Variants in PRKAR2B observed in about 807,000 individuals in gnomAD.
The protein encoded by PRKAR2B is protein kinase cAMP-dependent type II regulatory subunit beta.
PRKAR2B carries 14 observed loss-of-function variants against 49.9 expected under a neutral mutation model. The observed-to-expected ratio is 0.28, with a 90% confidence interval of 0.19 to 0.44. PRKAR2B has a LOEUF of 0.44. Among genes scored for constraint, PRKAR2B ranks in the 20% least tolerant of loss-of-function variants. The pLI is 1.00. For synonymous variants in PRKAR2B, 196 were observed against 197.7 expected, an observed-to-expected ratio of 0.99 and a Z score of 0.07; for missense variants, 393 against 537.9, an observed-to-expected ratio of 0.73 and a Z score of 2.67.
intron 6 of PRKAR2B, among the ~76,000 whole-genome samples, chr7:107,150,558 A>T (rs1795964316): frequency 7.2e-6 from 1 of 139,838 alleles, no homozygotes; most frequent in Non-Finnish European, 1.5e-5. Context: ...ATGAAAAAGA[A>T]CGTAGAGTAC....
chr7:107,139,548 G>A (rs1795755713), intron 4 of PRKAR2B, among the ~76,000 whole-genome samples: 1 of 152,162 alleles, frequency 6.6e-6, no homozygotes, highest in South Asian at 2.1e-4. Flanking sequence ...TCCCATGCTG[G>A]CAGAACCAGA....
At chr7:107,079,178 A>T (rs1370368181) in intron 2 of PRKAR2B, among the ~76,000 whole-genome samples, 1 of 152,220 alleles carries the variant, frequency 6.6e-6, no homozygotes, top group Non-Finnish European at 1.5e-5. Flanking sequence ...TCACTACTTC[A>T]CCAGCTCTGT....
intron 2 of PRKAR2B, among the ~76,000 whole-genome samples, chr7:107,084,553 G>A (rs896970317): frequency 6.6e-6 from 1 of 151,516 alleles, no homozygotes; most frequent in Middle Eastern, 3.4e-3. Flanking sequence ...TTTCTCCCTG[G>A]ATCAGGGAGA....
chr7:107,089,799 C>A (rs1337259143), intron 2 of PRKAR2B, among the ~76,000 whole-genome samples: 1 of 152,224 alleles, frequency 6.6e-6, no homozygotes, highest in Non-Finnish European at 1.5e-5. Context: ...CATTTACATT[C>A]TCTACTAGCA....
intron 1 of PRKAR2B, among the ~76,000 whole-genome samples, chr7:107,053,879 A>G (rs1028771625): frequency 6.6e-6 from 1 of 152,210 alleles, no homozygotes; most frequent in Non-Finnish European, 1.5e-5. Context: ...ATAGTTGAAA[A>G]GAAATGCAAT....
intron 1 of PRKAR2B, among the ~76,000 whole-genome samples, chr7:107,052,539 C>T (rs975569256): frequency 6.6e-6 from 1 of 152,232 alleles, no homozygotes; most frequent in Admixed American, 6.5e-5. Flanking sequence ...ATGCTTTACA[C>T]ATATGTGATT....
intron 3 of PRKAR2B, among the ~76,000 whole-genome samples, chr7:107,127,262 T>C (rs1795514397): frequency 1.3e-5 from 2 of 152,298 alleles, no homozygotes; most frequent in Admixed American, 1.3e-4. Context: ...GGTCACTCTT[T>C]GAGTGAGCAT....
chr7:107,145,987 C>T (rs1302412396), intron 5 of PRKAR2B, among the ~76,000 whole-genome samples: 4 of 152,016 alleles, frequency 2.6e-5, no homozygotes, highest in African/African-American at 7.3e-5. Context: ...GTGATCCACC[C>T]GCCTCAGCCT....
At chr7:107,121,615 C>CAG (rs1166199744) in intron 2 of PRKAR2B, among the ~76,000 whole-genome samples, 1 of 152,080 alleles carries the variant, frequency 6.6e-6, no homozygotes, top group Non-Finnish European at 1.5e-5. Flanking sequence ...TTCATCATTT[C>CAG]ATGGCAGACA....
At chr7:107,122,029 A>G (rs762212512) in intron 3 of PRKAR2B, 25 bp downstream of exon 3, 2 of 1,493,582 alleles carry the variant, frequency 1.3e-6, no homozygotes, top group South Asian at 1.2e-5. Flanking sequence ...GAATGAATGA[A>G]TTTTAAATTG....
At chr7:107,140,305 CAG>C (rs979578205) in intron 4 of PRKAR2B, among the ~76,000 whole-genome samples, 2 of 152,134 alleles carry the variant, frequency 1.3e-5, no homozygotes, top group Non-Finnish European at 2.9e-5. Context: ...TGAATAGTGA[CAG>C]AATATTTGCC....
chr7:107,150,798 A>G (rs1795971023), intron 6 of PRKAR2B, 124 bp from the exon 7 acceptor site: 1 of 563,090 alleles, frequency 1.8e-6, no homozygotes. Flanking sequence ...GTTGCATTAA[A>G]AGTATAATGA....
chr7:107,146,596 G>A, intron 6 of PRKAR2B, 135 bp downstream of exon 6: 1 of 1,008,182 alleles, frequency 9.9e-7, no homozygotes, highest in Non-Finnish European at 1.4e-6. Context: ...GCCACTGAAT[G>A]CTGAACTGTA....
At chr7:107,123,728 G>A (rs1329161091) in intron 3 of PRKAR2B, among the ~76,000 whole-genome samples, 1 of 152,118 alleles carries the variant, frequency 6.6e-6, no homozygotes, top group African/African-American at 2.4e-5. Flanking sequence ...GTAAATAAGG[G>A]CAGTTACTAG....
At chr7:107,073,458 T>C (rs1040613350) in intron 2 of PRKAR2B, among the ~76,000 whole-genome samples, 12 of 152,134 alleles carry the variant, frequency 7.9e-5, no homozygotes, top group African/African-American at 2.7e-4. Flanking sequence ...TAAGCCAGCA[T>C]CTTACTTGGT....
intron 2 of PRKAR2B, among the ~76,000 whole-genome samples, chr7:107,093,878 A>G (rs1207571044): frequency 6.6e-6 from 1 of 152,160 alleles, no homozygotes; most frequent in Non-Finnish European, 1.5e-5. Flanking sequence ...TCCATGGTAT[A>G]TATGTGCCAC....
chr7:107,080,913 G>C (rs895422782), intron 2 of PRKAR2B, among the ~76,000 whole-genome samples: 4 of 152,172 alleles, frequency 2.6e-5, no homozygotes, highest in African/African-American at 9.7e-5. Flanking sequence ...TTAGCTGTGT[G>C]ACCTTGGGCA....
intron 3 of PRKAR2B, among the ~76,000 whole-genome samples, chr7:107,126,929 G>A (rs1036075648): frequency 5.9e-5 from 9 of 152,074 alleles, no homozygotes; most frequent in Admixed American, 5.2e-4. Context: ...CCCTTAGAGG[G>A]GAAAGTGCAG....
chr7:107,065,366 G>A (rs1794118816), intron 1 of PRKAR2B, among the ~76,000 whole-genome samples: 3 of 109,930 alleles, frequency 2.7e-5, no homozygotes, highest in South Asian at 3.2e-4. Flanking sequence ...GTGTGTGTGT[G>A]TGTGTGTGTG....
Sources: allele counts gnomAD v4.1 joint callset (sites outside exome capture counted in the v4.1 genomes callset), GRCh38; gene constraint gnomAD v4.1.1; transcripts MANE v1.5; gene names NCBI Gene and HGNC (gene_info 2026-07-23, HGNC 2026-07-21).